Variants in FAM135B observed in about 807,000 individuals in gnomAD.
The protein encoded by FAM135B is family with sequence similarity 135 member B.
Under a neutral mutation model 127.7 loss-of-function variants are expected in FAM135B, and 43 were observed. The observed-to-expected ratio is 0.34, with a 90% CI of 0.26 to 0.43. The LOEUF is 0.43. Ranked by LOEUF, FAM135B falls within the 20% of genes least tolerant of loss-of-function variation. FAM135B has a pLI of 1.00. For synonymous variants in FAM135B, 670 were observed against 665.1 expected (o/e 1.01, Z -0.11); for missense variants, 1,558 against 1,725.6 (o/e 0.90, Z 1.72).
chr8:138,305,332 C>A (rs796470372), intron 3 of FAM135B, among the ~76,000 whole-genome samples: 2 of 152,106 alleles, frequency 1.3e-5, no homozygotes, highest in African/African-American at 4.8e-5. Flanking sequence ...CAGCCTCACT[C>A]GACTTGAACA....
At chr8:138,406,494 G>A (rs1042967424) in intron 1 of FAM135B, among the ~76,000 whole-genome samples, 27 of 151,418 alleles carry the variant, frequency 1.8e-4, no homozygotes, top group Non-Finnish European at 1.5e-4. Flanking sequence ...GATGAACATT[G>A]ATGCAAAAAT....
intron 1 of FAM135B, among the ~76,000 whole-genome samples, chr8:138,486,642 A>C (rs1814995396): frequency 6.6e-6 from 1 of 152,208 alleles, no homozygotes; most frequent in South Asian, 2.1e-4. Flanking sequence ...TGTGTGGGCC[A>C]TGTGTGTCCC....
At chr8:138,356,702 T>C (rs1410863919) in intron 2 of FAM135B, among the ~76,000 whole-genome samples, 1 of 152,130 alleles carries the variant, frequency 6.6e-6, no homozygotes, top group Non-Finnish European at 1.5e-5. Context: ...TCCAATGGTG[T>C]CTTCCGTTTT....
intron 6 of FAM135B, among the ~76,000 whole-genome samples, chr8:138,245,797 A>G (rs2130428806): frequency 6.6e-6 from 1 of 152,334 alleles, no homozygotes; most frequent in East Asian, 1.9e-4. Flanking sequence ...AGAGGAAGAT[A>G]GGAAAATGTG....
chr8:138,403,970 T>C (rs1833303798), intron 1 of FAM135B, among the ~76,000 whole-genome samples: 1 of 152,150 alleles, frequency 6.6e-6, no homozygotes, highest in Admixed American at 6.6e-5. Context: ...AGGGAAGTAC[T>C]TGCACAACAA....
chr8:138,474,855 CA>C (rs1384772824), intron 1 of FAM135B, among the ~76,000 whole-genome samples: 3 of 152,180 alleles, frequency 2.0e-5, no homozygotes, highest in African/African-American at 7.2e-5. Context: ...TGCTGAACAG[CA>C]ACCATCCCAG....
Position 138,442,267 on chromosome 8 carries a change from T to TATATATATATGC in FAM135B, c.-20+54403_-20+54404insGCATATATATAT, listed in dbSNP as rs1554694341. Among the ~76,000 whole-genome samples the TATATATATATGC allele has an allele frequency of 2.7e-3, 233 of 86,746 alleles. 6 individuals carry two copies. Among genetic ancestry groups the TATATATATATGC allele is most frequent in the African/African-American group, 9.5e-3 (213 of 22,394 alleles). The allele number at this position is 86,746 out of a possible 152,430, so 56.9% of individuals were successfully genotyped here. Reference sequence around the variant, plus strand: ...ATATATATATATATATATATATATATATATATATATGAAAAACCTTGGCAG... The same window carrying TATATATATATGC: ...ATATATATATATATATATATATATATATATATATATGCATATATATATGAAAAACCTTGGCAG... On this transcript the variant is annotated intron_variant, in intron 1 of 19. Coordinates refer to ENST00000395297, the MANE Select transcript of FAM135B (RefSeq NM_015912.4).
In FAM135B at chr8:138,237,422, A is replaced by G. The variant is rs1291330249; in HGVS notation, c.669+5520T>C. On this transcript the variant is annotated intron_variant, in intron 7 of 19. Transcript: ENST00000395297. ...GTGATCTGCCCGCCTCGGCCTCCCA[A>G]AGTGCTGGGACTACAGGCGTGAGCC... is the stretch of plus-strand genomic sequence containing the variant. 3.3e-5 allele frequency among the ~76,000 whole-genome samples: 5 copies of G among 152,142 alleles called. No homozygotes were observed. The East Asian group carries it at 9.7e-4, about 30-fold the overall frequency.
At chr8:138,425,964 C>CATATATATATATATATAT (rs11271386) in intron 1 of FAM135B, among the ~76,000 whole-genome samples, 16 of 109,986 alleles carry the variant, frequency 1.5e-4, no homozygotes, top group Admixed American at 2.1e-4. Flanking sequence ...GCCAGGCCAA[C>CATATATATATATATATAT]ATATATATAT....
chr8:138,243,107 A>C lies in FAM135B; in HGVS notation c.543-39T>G. 1 of 1,584,556 alleles carries C rather than the reference A, an allele frequency of 6.3e-7. No homozygotes were observed. Among genetic ancestry groups the C allele is most frequent in the Non-Finnish European group, 8.6e-7 (1 of 1,165,854 alleles). On this transcript the variant is annotated intron_variant, in intron 6 of 19. Transcript: ENST00000395297. The surrounding 1 kb of genome is among the most constrained non-coding windows in gnomAD (Gnocchi z 7.5). The stretch of plus-strand genomic sequence containing the variant: ...AATTGAAAGGGTGAAAAAGGAGGTA[A>C]AGAAAGTGATGGTGCCATTAACTCA...
intron 2 of FAM135B, among the ~76,000 whole-genome samples, chr8:138,364,102 C>A (rs894138535): frequency 3.3e-5 from 5 of 152,176 alleles, no homozygotes; most frequent in African/African-American, 1.2e-4. Context: ...ACCCTGGGGC[C>A]CCACCTTGCA....
chr8:138,136,919 G>A (rs1816711624), intron 19 of FAM135B, among the ~76,000 whole-genome samples: 1 of 152,128 alleles, frequency 6.6e-6, no homozygotes, highest in Non-Finnish European at 1.5e-5. Flanking sequence ...GCACACAATA[G>A]GACTGAACAG....
intron 3 of FAM135B, among the ~76,000 whole-genome samples, chr8:138,284,126 G>A (rs186387795): frequency 4.6e-5 from 7 of 152,142 alleles, no homozygotes; most frequent in Non-Finnish European, 1.0e-4. Context: ...ACTAGAAAAA[G>A]AGAATTAAAA....
intron 2 of FAM135B, among the ~76,000 whole-genome samples, chr8:138,341,789 C>T (rs1829065497): frequency 1.3e-5 from 2 of 152,140 alleles, no homozygotes; most frequent in South Asian, 4.2e-4. Flanking sequence ...AGCATAAAGA[C>T]AAATGTCTTA....
At chr8:138,461,207 C>G (rs972399560) in intron 1 of FAM135B, among the ~76,000 whole-genome samples, 1 of 152,156 alleles carries the variant, frequency 6.6e-6, no homozygotes, top group Admixed American at 6.5e-5. Flanking sequence ...CTGGCTCACA[C>G]TGCAAGGCAG....
chr8:138,237,597 C>T (rs1820401783), intron 7 of FAM135B, among the ~76,000 whole-genome samples: 1 of 152,158 alleles, frequency 6.6e-6, no homozygotes, highest in Non-Finnish European at 1.5e-5. Context: ...GTGAAGGCAT[C>T]TTTTAGAGGA....
intron 2 of FAM135B, among the ~76,000 whole-genome samples, chr8:138,327,987 C>G (rs912559494): frequency 3.3e-5 from 5 of 151,932 alleles, no homozygotes; most frequent in Admixed American, 3.3e-4. Context: ...ATGGCTGGAG[C>G]AAAAATTGCT....
chr8:138,141,485 C>A lies in FAM135B; in HGVS notation c.3639-136G>T. ...GGGGAACTGGCAAAGAGAACAGGGACTGCCAACTCAACCTCATCAGGTTTC... is the reference window on the plus strand; with the variant it reads ...GGGGAACTGGCAAAGAGAACAGGGAATGCCAACTCAACCTCATCAGGTTTC... On this transcript the variant is annotated intron_variant, in intron 16 of 19. Transcript: ENST00000395297. This position sits in a 1 kb window ranked among gnomAD's most constrained non-coding sequence, Gnocchi z 4.7. The A allele has an allele frequency of 2.3e-6, 2 of 871,118 alleles. No individual in the cohort carries two copies. Among genetic ancestry groups the A allele is most frequent in the Non-Finnish European group, 3.7e-6 (2 of 547,814 alleles). The allele number at this position is 871,118 out of a possible 1,614,324, so 54.0% of individuals were successfully genotyped here.
In FAM135B at chr8:138,178,583, C is replaced by T. The variant is rs1394795972; in HGVS notation, c.981G>A (p.Leu327=). 6.2e-7 allele frequency: 1 copy of T among 1,614,062 alleles called. No individual in the cohort carries two copies. Among genetic ancestry groups the T allele is most frequent in the South Asian group, 1.1e-5 (1 of 91,078 alleles). ...TGAGATAAGTGGTCACTTGGGAGTG[C>T]AGAGTGACTGTGTCCAGGAACTGGG... ...LWTQFLDTVT[L]HSQVTTYLTQ... Residue 327 remains leucine (L), a synonymous_variant, in exon 10 of 20, where the codon CTG becomes CTA. Coordinates refer to ENST00000395297, the MANE Select transcript of FAM135B (RefSeq NM_015912.4).
Sources: gnomAD v4.1 joint callset for allele counts (sites outside exome capture counted in the v4.1 genomes callset) on GRCh38, gnomAD v4.1.1 for gene constraint, Gnocchi (gnomAD v3.1) non-coding constraint, MANE v1.5 for transcripts, NCBI Gene and HGNC (gene_info 2026-07-23, HGNC 2026-07-21) for gene names.